Variants in MAGI3 observed in about 807,000 individuals in gnomAD.
The protein encoded by MAGI3 is membrane associated guanylate kinase, WW and PDZ domain containing 3.
Under a neutral mutation model 121.8 loss-of-function variants are expected in MAGI3, and 43 were observed. The observed-to-expected ratio is 0.35, with a 90% CI of 0.28 to 0.46. The LOEUF is 0.46. Ranked by LOEUF, MAGI3 falls within the 20% of genes least tolerant of loss-of-function variation. MAGI3 has a pLI of 1.00. For synonymous variants in MAGI3, 553 were observed against 639.3 expected (o/e 0.86, Z 2.04); for missense variants, 1,547 against 1,797.3 (o/e 0.86, Z 2.52).
chr1:113,564,972 C>T (rs1250196498), intron 2 of MAGI3, among the ~76,000 whole-genome samples: 1 of 152,018 alleles, frequency 6.6e-6, no homozygotes, highest in African/African-American at 2.4e-5. Context: ...GCCTCAGCCT[C>T]CTGAGTAGCT....
intron 1 of MAGI3, among the ~76,000 whole-genome samples, chr1:113,434,447 A>T (rs1175781369): frequency 6.6e-6 from 1 of 152,136 alleles, no homozygotes; most frequent in South Asian, 2.1e-4. Context: ...TACTAGTTAT[A>T]CTGCTCTATT....
intron 1 of MAGI3, among the ~76,000 whole-genome samples, chr1:113,505,617 G>A (rs145246794): frequency 2.3e-4 from 35 of 151,974 alleles, no homozygotes; most frequent in African/African-American, 7.7e-4. Context: ...GATAATAAGG[G>A]ACAGAGCAGG....
Position 113,466,864 on chromosome 1 carries a change from A to G in MAGI3, c.316+75515A>G, listed in dbSNP as rs540683188. ...TTCTTAGTCTAGTTAAAGATTTGTC[A>G]ATTTTGTTTATCTTTTACAAAACCA... On this transcript the variant is annotated intron_variant, in intron 1 of 20. Transcript: ENST00000307546. 7.9e-5 allele frequency among the ~76,000 whole-genome samples: 12 copies of G among 151,616 alleles called. No homozygotes were observed. The East Asian group carries it at 2.1e-3, about 27-fold the overall frequency.
At position 113,580,616 on chromosome 1, in the gene MAGI3, G is replaced by T. The variant is rs753853865; in HGVS notation, c.508G>T (p.Ala170Ser). 9.3e-6 allele frequency: 15 copies of T among 1,611,328 alleles called. No individual in the cohort carries two copies. Among genetic ancestry groups the T allele is most frequent in the Admixed American group, 6.7e-5 (4 of 59,800 alleles). ...TTTCATTTCCGTTGAACAGTTCAAA[G>T]CACTGGAAGAGAGTGGAGCATTGTT... The part of the protein sequence containing the change: ...YNFISVEQFK[A>S]LEESGALLES... Residue 170 changes from alanine (A) to serine (S), a missense_variant, in exon 3 of 21, where the codon GCA becomes TCA. Ala to Ser is a moderately conservative substitution (Grantham distance 99). Coordinates refer to ENST00000307546, the MANE Select transcript of MAGI3 (RefSeq NM_001142782.2).
chr1:113,406,366 T>G lies in MAGI3; in HGVS notation c.316+15017T>G, dbSNP rs556656740. 3.3e-5 allele frequency among the ~76,000 whole-genome samples: 5 copies of G among 150,078 alleles called. No homozygotes were observed. The South Asian group carries it at 8.4e-4, about 25-fold the overall frequency. On this transcript the variant is annotated intron_variant, in intron 1 of 20. Transcript: ENST00000307546. ...AGGAGGCTAAGATAAGAGGATCACA[T>G]GAGCCCAGGAGTTGGAGGCTGCAGT...
chr1:113,571,007 A>G (rs1015726820), intron 2 of MAGI3, among the ~76,000 whole-genome samples: 11 of 152,154 alleles, frequency 7.2e-5, no homozygotes, highest in Non-Finnish European at 1.3e-4. Flanking sequence ...GTTTTCTTCT[A>G]GGGTTTTTAT....
chr1:113,616,514 A>G (rs1046807075), intron 7 of MAGI3, among the ~76,000 whole-genome samples: 3 of 152,222 alleles, frequency 2.0e-5, no homozygotes, highest in African/African-American at 7.2e-5. Flanking sequence ...TGCTCTTGGC[A>G]GGAGCCTTGT....
chr1:113,593,029 C>A (rs1234108783), intron 5 of MAGI3, among the ~76,000 whole-genome samples: 14 of 151,992 alleles, frequency 9.2e-5, no homozygotes, highest in Admixed American at 7.2e-4. Context: ...AACAAACAAA[C>A]AAAAAAGTGT....
chr1:113,651,235 G>A lies in MAGI3; in HGVS notation c.2440+29G>A, dbSNP rs748476237. 8.3e-6 allele frequency: 13 copies of A among 1,567,796 alleles called. No homozygotes were observed. In the East Asian group the frequency reaches 2.3e-4, roughly 27 times the overall value. On this transcript the variant is annotated intron_variant, in intron 14 of 20. Transcript: ENST00000307546. ...TGTGAACTTGTTCCTGCTCTGAAAA[G>A]TTAAAAAAGAAACAAAGATACTAGT...
intron 19 of MAGI3, among the ~76,000 whole-genome samples, chr1:113,676,829 C>T (rs763720062): frequency 3.3e-5 from 5 of 152,034 alleles, no homozygotes; most frequent in Non-Finnish European, 4.4e-5. Flanking sequence ...CCTATTATTC[C>T]GTATCTCCAG....
In MAGI3 at chr1:113,633,451, C is replaced by T. The variant is rs563741387; in HGVS notation, c.1361-8460C>T. On this transcript the variant is annotated intron_variant, in intron 9 of 20. Transcript: ENST00000307546. ...TAATTTTTTGTATTTTTAGTAGAGA[C>T]GGGGTTTCACCGTTTTAGCCGGGAT... 4.9e-3 allele frequency among the ~76,000 whole-genome samples: 741 copies of T among 150,678 alleles called. 3 individuals are homozygous for T. The highest frequency in any genetic ancestry group is 0.017 in the African/African-American group (708 of 40,984).
At chr1:113,491,068 G>A (rs565683575) in intron 1 of MAGI3, among the ~76,000 whole-genome samples, 1 of 152,224 alleles carries the variant, frequency 6.6e-6, no homozygotes, top group East Asian at 1.9e-4. Flanking sequence ...CAAAAAAACA[G>A]AATATACATT....
At chr1:113,682,137 T>A in intron 20 of MAGI3, 2 of 1,498,468 alleles carry the variant, frequency 1.3e-6, no homozygotes, top group South Asian at 2.5e-5. Context: ...ATGTTCCCAG[T>A]GACATCTTTG....
intron 1 of MAGI3, among the ~76,000 whole-genome samples, chr1:113,514,657 G>A (rs928634452): frequency 3.9e-5 from 6 of 152,098 alleles, no homozygotes; most frequent in Admixed American, 3.9e-4. Flanking sequence ...GATAGCTTTA[G>A]GAGATACACC....
At chr1:113,641,853 CA>C (rs928763714) in intron 9 of MAGI3, 57 bp from the exon 10 acceptor site, 70 of 1,481,544 alleles carry the variant, frequency 4.7e-5, no homozygotes, top group Non-Finnish European at 6.0e-5. Flanking sequence ...GCCCCTCTAG[CA>C]AAAAAATTAA....
intron 13 of MAGI3, among the ~76,000 whole-genome samples, chr1:113,650,580 T>A (rs1393848011): frequency 1.3e-5 from 2 of 152,212 alleles, no homozygotes; most frequent in Non-Finnish European, 2.9e-5. Context: ...GTACCGTTAG[T>A]CATATGTGAT....
intron 2 of MAGI3, among the ~76,000 whole-genome samples, chr1:113,575,650 G>T (rs533722943): frequency 1.3e-4 from 20 of 152,308 alleles, no homozygotes; most frequent in African/African-American, 4.6e-4. Context: ...GGTGTCTCCC[G>T]GTCAGAAGGC....
At chr1:113,439,934 G>T (rs532817195) in intron 1 of MAGI3, among the ~76,000 whole-genome samples, 2 of 150,658 alleles carry the variant, frequency 1.3e-5, no homozygotes, top group Non-Finnish European at 3.0e-5. Context: ...TCATTTTACT[G>T]TGCTGTTTCT....
chr1:113,470,156 A>T (rs549059199), intron 1 of MAGI3, among the ~76,000 whole-genome samples: 1 of 152,242 alleles, frequency 6.6e-6, no homozygotes, highest in South Asian at 2.1e-4. Context: ...ATCATGTTGC[A>T]TGCAGAAAAT....
Sources: allele counts gnomAD v4.1 joint callset (sites outside exome capture counted in the v4.1 genomes callset), GRCh38; gene constraint gnomAD v4.1.1; transcripts MANE v1.5; gene names NCBI Gene and HGNC (gene_info 2026-07-23, HGNC 2026-07-21).